The following KCNJ6 variants were observed in gnomAD, a reference collection of about 807,000 sequenced individuals.
KCNJ6 encodes the protein G protein-activated inward rectifier potassium channel 2.
Under a neutral mutation model 34.2 loss-of-function variants are expected in KCNJ6, and 9 were observed. That is an observed-to-expected ratio of 0.26 (90% CI 0.16 to 0.46). The LOEUF is 0.46. Ranked by LOEUF, KCNJ6 falls within the 20% of genes least tolerant of loss-of-function variation. KCNJ6 has a pLI of 1.00. For synonymous variants in KCNJ6, 196 were observed against 207.1 expected (o/e 0.95, Z 0.46); for missense variants, 236 against 531.3 (o/e 0.44, Z 5.46).
intron 2 of KCNJ6, among the ~76,000 whole-genome samples, chr21:37,746,668 C>T (rs2054969139): frequency 6.6e-6 from 1 of 152,144 alleles, no homozygotes; most frequent in African/African-American, 2.4e-5. Flanking sequence ...AAGAAAAAGA[C>T]AACATGACGT....
rs985561518 is a variant in KCNJ6 at position 37,756,025 on chromosome 21, T to C, written c.26-40894A>G. ...TGGGTTAGCTTCCTCTAGATGCTTT[T>C]GGATGAAAGCTCTTCCAGGTTCTGT... is the stretch of plus-strand genomic sequence containing the variant. On this transcript the variant is annotated intron_variant, in intron 2 of 3. Coordinates refer to ENST00000609713, the MANE Select transcript of KCNJ6 (RefSeq NM_002240.5). Among the ~76,000 whole-genome samples the C allele has an allele frequency of 3.3e-5, 5 of 152,224 alleles. No individual in the cohort carries two copies. In the East Asian group the frequency reaches 9.6e-4, roughly 29 times the overall value.
At chr21:37,750,818 T>C (rs951622633) in intron 2 of KCNJ6, among the ~76,000 whole-genome samples, 2 of 152,162 alleles carry the variant, frequency 1.3e-5, no homozygotes, top group East Asian at 1.9e-4. Context: ...CCATGGCACA[T>C]GTATACCTAT....
chr21:37,655,011 G>A (rs2054451239), intron 3 of KCNJ6, among the ~76,000 whole-genome samples: 1 of 152,158 alleles, frequency 6.6e-6, no homozygotes, highest in Non-Finnish European at 1.5e-5. Flanking sequence ...TTGAACCTGA[G>A]AAGATGTGAG....
At chr21:37,868,017 T>C (rs1014453542) in intron 1 of KCNJ6, among the ~76,000 whole-genome samples, 2 of 152,124 alleles carry the variant, frequency 1.3e-5, no homozygotes, top group Non-Finnish European at 2.9e-5. Flanking sequence ...GAAACACTGG[T>C]GCAGGAATGG....
At chr21:37,674,879 C>T (rs1462109723) in intron 3 of KCNJ6, among the ~76,000 whole-genome samples, 4 of 151,812 alleles carry the variant, frequency 2.6e-5, no homozygotes, top group African/African-American at 9.7e-5. Context: ...CAATAAACGA[C>T]GAATGAATAA....
intron 3 of KCNJ6, among the ~76,000 whole-genome samples, chr21:37,633,382 AT>A: frequency 6.6e-6 from 1 of 152,192 alleles, no homozygotes; most frequent in East Asian, 1.9e-4. Context: ...AAAAGTTAGG[AT>A]TGTTTAAAGT....
At position 37,705,455 on chromosome 21, in the gene KCNJ6, T is replaced by C. The variant is rs982630085; in HGVS notation, c.946+8756A>G. On this transcript the variant is annotated intron_variant, in intron 3 of 3. Coordinates refer to ENST00000609713, the MANE Select transcript of KCNJ6 (RefSeq NM_002240.5). ...CCATGCAAAACATCTAATAAGGTAA[T>C]TGGCATCCATTAGGCATGAAATAAA... Among the ~76,000 whole-genome samples the C allele has an allele frequency of 2.0e-5, 3 of 152,212 alleles. No homozygotes were observed. The East Asian group carries it at 5.8e-4, about 29-fold the overall frequency.
intron 1 of KCNJ6, among the ~76,000 whole-genome samples, chr21:37,876,255 G>A (rs908710405): frequency 6.6e-6 from 1 of 152,074 alleles, no homozygotes; most frequent in Non-Finnish European, 1.5e-5. Flanking sequence ...CAGACACTTT[G>A]GGACAGACAC....
chr21:37,813,563 T>C (rs1268484880), intron 2 of KCNJ6, among the ~76,000 whole-genome samples: 1 of 152,038 alleles, frequency 6.6e-6, no homozygotes, highest in Non-Finnish European at 1.5e-5. Flanking sequence ...GACACATAGA[T>C]CAATGGAACA....
At chr21:37,810,975 G>T (rs898262008) in intron 2 of KCNJ6, among the ~76,000 whole-genome samples, 1 of 152,164 alleles carries the variant, frequency 6.6e-6, no homozygotes, top group Non-Finnish European at 1.5e-5. Context: ...GATGGGAACT[G>T]ATCATCAGAG....
rs559430979 is a variant in KCNJ6 at position 37,916,372 on chromosome 21, C to T, written c.-516G>A. On this transcript the variant is annotated 5_prime_UTR_variant, in exon 1 of 4. Transcript: ENST00000609713. ...ACGCAGAGAGACGTCATGAAATCCG[C>T]AGATTCAATGAATGCTACTCAATTC... 2 of 152,284 alleles carry T rather than the reference C, an allele frequency of 1.3e-5. No homozygotes were observed. The highest frequency in any genetic ancestry group is 1.9e-4 in the East Asian group (1 of 5,178). 9.4% of individuals were successfully genotyped at this position (152,284 alleles called of 1,614,324 possible).
intron 2 of KCNJ6, among the ~76,000 whole-genome samples, chr21:37,738,929 T>C (rs929942045): frequency 2.0e-5 from 3 of 152,256 alleles, no homozygotes; most frequent in Admixed American, 6.5e-5. Context: ...GGCTGAAGGG[T>C]AAGGTTATCT....
intron 2 of KCNJ6, among the ~76,000 whole-genome samples, chr21:37,761,713 ATATT>A (rs1269556211): frequency 6.8e-6 from 1 of 147,540 alleles, no homozygotes; most frequent in East Asian, 2.0e-4. Context: ...GTGCATGTGT[ATATT>A]TGTGTGTGTG....
intron 2 of KCNJ6, among the ~76,000 whole-genome samples, chr21:37,784,496 T>C (rs979201473): frequency 1.3e-5 from 2 of 152,318 alleles, no homozygotes; most frequent in Middle Eastern, 6.8e-3. Flanking sequence ...TATGAACTTA[T>C]TTGGAAATAC....
chr21:37,710,951 C>T (rs1202749798), intron 3 of KCNJ6, among the ~76,000 whole-genome samples: 1 of 152,190 alleles, frequency 6.6e-6, no homozygotes, highest in African/African-American at 2.4e-5. Context: ...AAAATAGAAC[C>T]ACATGACTGG....
chr21:37,676,744 G>T (rs2054566616), intron 3 of KCNJ6, among the ~76,000 whole-genome samples: 1 of 152,242 alleles, frequency 6.6e-6, no homozygotes, highest in South Asian at 2.1e-4. Flanking sequence ...ACTGGAGGGG[G>T]TGCTACTGGC....
chr21:37,913,473 T>C (rs1037393719), intron 1 of KCNJ6, among the ~76,000 whole-genome samples: 1 of 152,220 alleles, frequency 6.6e-6, no homozygotes. Context: ...CTTCCAGTTC[T>C]AGACCGAGAG....
At chr21:37,895,794 A>G (rs2055784800) in intron 1 of KCNJ6, among the ~76,000 whole-genome samples, 1 of 152,146 alleles carries the variant, frequency 6.6e-6, no homozygotes, top group East Asian at 1.9e-4. Flanking sequence ...CCCATTCCCC[A>G]TTTTTAAAAG....
At chr21:37,876,351 G>C (rs1333541645) in intron 1 of KCNJ6, among the ~76,000 whole-genome samples, 2 of 152,152 alleles carry the variant, frequency 1.3e-5, no homozygotes, top group African/African-American at 2.4e-5. Context: ...TAACAAAAAA[G>C]AGAGCCAGGA....
Sources: allele counts gnomAD v4.1 joint callset (sites outside exome capture counted in the v4.1 genomes callset), GRCh38; gene constraint gnomAD v4.1.1; transcripts MANE v1.5; gene names NCBI Gene and HGNC (gene_info 2026-07-23, HGNC 2026-07-21).